Variants in NAA16 observed in about 807,000 individuals in gnomAD.
NAA16 encodes N-alpha-acetyltransferase 16, NatA auxiliary subunit.
A neutral mutation model predicts 110.3 loss-of-function variants in NAA16; 97 were observed. The observed-to-expected ratio is 0.88, with a 90% CI of 0.75 to 1.04. NAA16 has a LOEUF of 1.04. Among genes scored for constraint, NAA16 ranks in the 50% least tolerant of loss-of-function variants. The pLI, the probability that NAA16 is intolerant of heterozygous loss-of-function variation, is 0.00. For synonymous variants in NAA16, 372 were observed against 330.6 expected (o/e 1.13, Z -1.36); for missense variants, 1,017 against 1,005.1 (o/e 1.01, Z -0.16).
intron 9 of NAA16, among the ~76,000 whole-genome samples, chr13:41,343,414 C>T (rs1021666395): frequency 6.6e-6 from 1 of 152,158 alleles, no homozygotes; most frequent in African/African-American, 2.4e-5. Context: ...AATGTAATTC[C>T]TTTCACAGTT....
intron 9 of NAA16, among the ~76,000 whole-genome samples, chr13:41,351,449 G>T (rs1443760733): frequency 6.6e-6 from 1 of 152,120 alleles, no homozygotes; most frequent in Admixed American, 6.6e-5. Flanking sequence ...TGGTAAAGTA[G>T]TGTACTTAAT....
At chr13:41,340,309 T>C (rs918064531) in intron 9 of NAA16, among the ~76,000 whole-genome samples, 1 of 151,978 alleles carries the variant, frequency 6.6e-6, no homozygotes, top group African/African-American at 2.4e-5. Flanking sequence ...TTTTGAAGGG[T>C]TTTTTGTGTC....
At chr13:41,345,450 G>A (rs181763461) in intron 9 of NAA16, among the ~76,000 whole-genome samples, 1 of 152,154 alleles carries the variant, frequency 6.6e-6, no homozygotes, top group East Asian at 1.9e-4. Flanking sequence ...TCTTTTATGT[G>A]CTTATTGGCC....
intron 2 of NAA16, among the ~76,000 whole-genome samples, chr13:41,318,449 G>A (rs773460426): frequency 4.6e-5 from 7 of 152,080 alleles, no homozygotes; most frequent in African/African-American, 1.4e-4. Context: ...TGATCCACCC[G>A]CCTCAGCCTC....
At chr13:41,346,761 C>T (rs1415399578) in intron 9 of NAA16, among the ~76,000 whole-genome samples, 1 of 152,020 alleles carries the variant, frequency 6.6e-6, no homozygotes, top group Non-Finnish European at 1.5e-5. Context: ...TAGCTGGGCC[C>T]TTTGTTATCT....
intron 7 of NAA16, among the ~76,000 whole-genome samples, chr13:41,330,564 T>C (rs1593439151): frequency 6.6e-6 from 1 of 152,202 alleles, no homozygotes; most frequent in East Asian, 1.9e-4. Context: ...TTGTGAATTA[T>C]GCAGGATATT....
intron 1 of NAA16, 101 bp from the exon 2 acceptor site, chr13:41,316,745 A>G (rs1331645551): frequency 1.4e-6 from 1 of 721,014 alleles, no homozygotes; most frequent in Non-Finnish European, 2.5e-6. Context: ...CACATTTTAG[A>G]CCTAATTTTG....
intron 8 of NAA16, among the ~76,000 whole-genome samples, chr13:41,333,734 A>C (rs917074105): frequency 6.6e-6 from 1 of 152,106 alleles, no homozygotes; most frequent in Non-Finnish European, 1.5e-5. Flanking sequence ...ATGGGGCTTC[A>C]GGTTTATACT....
intron 19 of NAA16, 120 bp downstream of exon 19, chr13:41,374,959 C>A: frequency 1.6e-6 from 1 of 643,142 alleles, no homozygotes; most frequent in Non-Finnish European, 2.7e-6. Flanking sequence ...CCAGCTCTAT[C>A]AATTATGAGA....
chr13:41,372,917 T>A (rs1278262798), intron 17 of NAA16, 87 bp downstream of exon 17: 3 of 1,271,876 alleles, frequency 2.4e-6, no homozygotes, highest in South Asian at 2.4e-5. Flanking sequence ...TGATAAATAT[T>A]TAATAACCCT....
intron 8 of NAA16, among the ~76,000 whole-genome samples, chr13:41,333,572 A>G (rs1460345619): frequency 6.6e-6 from 1 of 152,090 alleles, no homozygotes; most frequent in Non-Finnish European, 1.5e-5. Context: ...GTCTCAAGGT[A>G]TATTTTGTGT....
intron 13 of NAA16, among the ~76,000 whole-genome samples, chr13:41,363,599 A>AT (rs2043155122): frequency 6.6e-6 from 1 of 152,038 alleles, no homozygotes; most frequent in African/African-American, 2.4e-5. Context: ...ATTTTTAGTG[A>AT]TTTTGGCTGA....
intron 14 of NAA16, 46 bp downstream of exon 14, chr13:41,367,698 C>A: frequency 7.7e-7 from 1 of 1,295,718 alleles, no homozygotes; most frequent in Non-Finnish European, 1.1e-6. Context: ...CACTAAATTT[C>A]AGAATGCCAT....
At chr13:41,338,509 G>A (rs181710728) in intron 9 of NAA16, among the ~76,000 whole-genome samples, 23 of 152,214 alleles carry the variant, frequency 1.5e-4, no homozygotes, top group Non-Finnish European at 2.6e-4. Flanking sequence ...GCAAGCAACA[G>A]GAATGCTATA....
chr13:41,329,861 A>C (rs1277567589), intron 7 of NAA16, among the ~76,000 whole-genome samples: 2 of 152,000 alleles, frequency 1.3e-5, no homozygotes. Flanking sequence ...AATATGTTCC[A>C]TATGTCAGGA....
At chr13:41,337,301 T>C (rs1433412394) in intron 9 of NAA16, among the ~76,000 whole-genome samples, 6 of 152,138 alleles carry the variant, frequency 3.9e-5, no homozygotes, top group Non-Finnish European at 7.4e-5. Flanking sequence ...CCTAGCACTT[T>C]GGGAGGCTGA....
chr13:41,313,440 G>A (rs1049637267), intron 1 of NAA16, among the ~76,000 whole-genome samples: 3 of 152,162 alleles, frequency 2.0e-5, no homozygotes, highest in Non-Finnish European at 4.4e-5. Flanking sequence ...ATAAACGAAT[G>A]ATTTTATCAT....
Position 41,312,620 on chromosome 13 carries a change from G to GT in NAA16, c.54+1040dup, listed in dbSNP as rs547375486. ...TAAAGGTGAATTTATTGAAAGCTGG[G>GT]TTGGCTATATGGCTGTTAGTTGTTG... On this transcript the variant is annotated intron_variant, in intron 1 of 19. Coordinates refer to ENST00000379406, the MANE Select transcript of NAA16 (RefSeq NM_024561.5). 4.0e-4 allele frequency among the ~76,000 whole-genome samples: 61 copies of GT among 152,284 alleles called. No homozygotes were observed. The South Asian group carries it at 0.012, about 31-fold the overall frequency.
chr13:41,368,005 C>G (rs1041809329), intron 14 of NAA16, among the ~76,000 whole-genome samples: 1 of 152,138 alleles, frequency 6.6e-6, no homozygotes, highest in East Asian at 1.9e-4. Flanking sequence ...CAAGACCAGT[C>G]TGGGCAACAT....
Sources: allele counts gnomAD v4.1 joint callset (sites outside exome capture counted in the v4.1 genomes callset), GRCh38; gene constraint gnomAD v4.1.1; transcripts MANE v1.5; gene names NCBI Gene and HGNC (gene_info 2026-07-23, HGNC 2026-07-21).